Variants in CDH7 observed in about 807,000 individuals in gnomAD.
CDH7 encodes the protein cadherin 7.
A neutral mutation model predicts 71.8 loss-of-function variants in CDH7; 25 were observed. The observed-to-expected ratio is 0.35, with a 90% CI of 0.25 to 0.49. The LOEUF (loss-of-function observed/expected upper bound fraction) is 0.49. CDH7 is among the 20% of genes least tolerant of loss of function. CDH7 has a pLI of 0.99. For synonymous variants in CDH7, 381 were observed against 363.8 expected (o/e 1.05, Z -0.54); for missense variants, 862 against 974.6 (o/e 0.88, Z 1.54).
intron 2 of CDH7, among the ~76,000 whole-genome samples, chr18:65,785,151 T>A (rs868031217): frequency 9.2e-5 from 14 of 152,142 alleles, no homozygotes; most frequent in Admixed American, 3.9e-4. Flanking sequence ...GAATCCAGTA[T>A]GTTGTATCTG....
chr18:65,839,408 A>G (rs1912647730), intron 6 of CDH7, among the ~76,000 whole-genome samples: 1 of 152,080 alleles, frequency 6.6e-6, no homozygotes, highest in African/African-American at 2.4e-5. Context: ...TCTCATTTAT[A>G]AGGGCCCACT....
intron 1 of CDH7, among the ~76,000 whole-genome samples, chr18:65,757,396 G>T (rs1362722269): frequency 1.3e-5 from 2 of 151,562 alleles, no homozygotes; most frequent in Non-Finnish European, 2.9e-5. Context: ...TTTTCTTTTT[G>T]CTTCAGTCCG....
intron 7 of CDH7, among the ~76,000 whole-genome samples, chr18:65,853,762 T>C (rs1352591436): frequency 2.6e-5 from 4 of 151,652 alleles, no homozygotes; most frequent in Non-Finnish European, 5.9e-5. Flanking sequence ...TCTTCCTCAA[T>C]ATTTATTATT....
Position 65,771,598 on chromosome 18 carries a change from C to T in CDH7, c.210+8546C>T, listed in dbSNP as rs1355420213. Among the ~76,000 whole-genome samples the T allele has an allele frequency of 2.6e-5, 4 of 152,036 alleles. No homozygotes were observed. In the South Asian group the frequency reaches 6.2e-4, roughly 24 times the overall value. Reference sequence around the variant, plus strand: ...GGCTGAGGAAGAAGAATCACTTGAGCCCGAGAGATGGAGGCTGCAGTGAGC... The same window carrying T: ...GGCTGAGGAAGAAGAATCACTTGAGTCCGAGAGATGGAGGCTGCAGTGAGC... On this transcript the variant is annotated intron_variant, in intron 2 of 11. Transcript: ENST00000397968.
At chr18:65,844,144 T>A (rs1912846018) in intron 7 of CDH7, 79 bp downstream of exon 7, 4 of 1,067,610 alleles carry the variant, frequency 3.7e-6, no homozygotes, top group Non-Finnish European at 5.4e-6. Context: ...TACGCTCTGA[T>A]GTTCCTTTGT....
intron 5 of CDH7, among the ~76,000 whole-genome samples, chr18:65,823,536 T>A (rs2143940502): frequency 6.6e-6 from 1 of 152,028 alleles, no homozygotes; most frequent in Admixed American, 6.6e-5. Flanking sequence ...CTGGGATTTT[T>A]CTCTACCGTT....
At chr18:65,798,123 T>A (rs530618019) in intron 2 of CDH7, among the ~76,000 whole-genome samples, 37 of 152,304 alleles carry the variant, frequency 2.4e-4, no homozygotes, top group Admixed American at 5.9e-4. Context: ...ATTTTGCTTC[T>A]TTCTCTTCTC....
rs563828623 is a variant in CDH7, at chr18:65,857,895, T to A, written c.1315T>A (p.Ser439Thr). The change falls in exon 8 of 12, where the codon TCT (serine) becomes ACT (threonine). Residue 439 changes from serine to threonine, a missense_variant. Physicochemically the swap from Ser to Thr is moderately conservative, Grantham distance 58 (BLOSUM62 1). Coordinates refer to ENST00000397968, the MANE Select transcript of CDH7 (RefSeq NM_004361.5). Reference sequence around the variant, plus strand: ...CAGTGGGGTCATCACAACTGCCAAGTCTTTGGATCGAGAGACAAATGCTAT... The same window carrying A: ...CAGTGGGGTCATCACAACTGCCAAGACTTTGGATCGAGAGACAAATGCTAT... Reference protein sequence around the residue: ...ANSGVITTAKSLDRETNAIHN... With the variant: ...ANSGVITTAKTLDRETNAIHN... 6.2e-7 allele frequency: 1 copy of A among 1,613,602 alleles called. No homozygotes were observed. The highest frequency in any genetic ancestry group is 8.5e-7 in the Non-Finnish European group (1 of 1,179,738).
chr18:65,886,347 T>C lies in CDH7; in HGVS notation c.*5453T>C, dbSNP rs1304518376. ...AAGGAAAAATATATGCAACTTGGTATCCTAAATTGGAAAATAATATTCAAA... is the reference window on the plus strand; with the variant it reads ...AAGGAAAAATATATGCAACTTGGTACCCTAAATTGGAAAATAATATTCAAA... On this transcript the variant is annotated 3_prime_UTR_variant, in exon 12 of 12. Coordinates refer to ENST00000397968, the MANE Select transcript of CDH7 (RefSeq NM_004361.5). 1.3e-5 allele frequency: 2 copies of C among 152,198 alleles called. No individual in the cohort carries two copies. The highest frequency in any genetic ancestry group is 2.9e-5 in the Non-Finnish European group (2 of 68,038). 9.4% of individuals were successfully genotyped at this position (152,198 alleles called of 1,614,324 possible).
intron 2 of CDH7, among the ~76,000 whole-genome samples, chr18:65,791,104 T>C (rs1249961744): frequency 6.6e-6 from 1 of 152,246 alleles, no homozygotes; most frequent in African/African-American, 2.4e-5. Flanking sequence ...CCTTTACATT[T>C]ATAAAATATT....
At chr18:65,876,217 C>T (rs747033236) in intron 11 of CDH7, among the ~76,000 whole-genome samples, 3 of 152,074 alleles carry the variant, frequency 2.0e-5, no homozygotes, top group African/African-American at 4.8e-5. Flanking sequence ...AGCACTATTT[C>T]CTACCTGCTA....
At chr18:65,832,309 C>A (rs571284962) in intron 6 of CDH7, among the ~76,000 whole-genome samples, 86 of 151,706 alleles carry the variant, frequency 5.7e-4, no homozygotes, top group African/African-American at 2.0e-3. Context: ...GCATAGAATT[C>A]TTTTAGAATC....
intron 2 of CDH7, among the ~76,000 whole-genome samples, chr18:65,808,447 C>G (rs956605925): frequency 2.6e-5 from 4 of 152,150 alleles, no homozygotes; most frequent in Non-Finnish European, 5.9e-5. Flanking sequence ...CTAGATAATT[C>G]ACACTGAAAA....
chr18:65,865,768 A>C (rs1913734409), intron 11 of CDH7: 2 of 152,200 alleles, frequency 1.3e-5, no homozygotes, highest in African/African-American at 4.8e-5. Flanking sequence ...CAATGAGATT[A>C]AGTATTCACA....
intron 3 of CDH7, among the ~76,000 whole-genome samples, chr18:65,813,845 A>G (rs9966262): frequency 0.071 from 10,833 of 152,246 alleles, 602 homozygotes; most frequent in African/African-American, 0.14. Flanking sequence ...CTATTGATGC[A>G]ATTTTTAAAG....
intron 6 of CDH7, among the ~76,000 whole-genome samples, chr18:65,830,326 T>A (rs1912291536): frequency 6.6e-6 from 1 of 152,182 alleles, no homozygotes; most frequent in South Asian, 2.1e-4. Flanking sequence ...GCATTTTAGG[T>A]GCAGCTCAAT....
chr18:65,764,404 T>C (rs185467616), intron 2 of CDH7, among the ~76,000 whole-genome samples: 122 of 152,194 alleles, frequency 8.0e-4, no homozygotes, highest in African/African-American at 2.7e-3. Context: ...CTTATGTAAA[T>C]ACAGAGGTGT....
At chr18:65,759,788 T>A (rs2143780850) in intron 1 of CDH7, among the ~76,000 whole-genome samples, 1 of 152,316 alleles carries the variant, frequency 6.6e-6, no homozygotes, top group African/African-American at 2.4e-5. Context: ...TGTGCTCTTA[T>A]CCCTAGTCCA....
intron 11 of CDH7, among the ~76,000 whole-genome samples, chr18:65,872,976 A>G (rs927439887): frequency 6.6e-6 from 1 of 151,960 alleles, no homozygotes; most frequent in South Asian, 2.1e-4. Flanking sequence ...TTTTGAAATT[A>G]AAAAAGAAAA....
Sources: allele counts gnomAD v4.1 joint callset (sites outside exome capture counted in the v4.1 genomes callset), GRCh38; gene constraint gnomAD v4.1.1; transcripts MANE v1.5; gene names NCBI Gene and HGNC (gene_info 2026-07-23, HGNC 2026-07-21).